Variants in FAM135B observed in about 807,000 individuals in gnomAD.
FAM135B encodes the protein protein FAM135B.
In FAM135B, 43 loss-of-function variants were observed where a neutral mutation model predicts 127.7. The observed-to-expected ratio is 0.34, with a 90% CI of 0.26 to 0.43. The LOEUF is 0.43. Among genes scored for constraint, FAM135B ranks in the 20% least tolerant of loss-of-function variants. FAM135B has a pLI of 1.00. For missense variants in FAM135B, 1,558 were observed against 1,725.6 expected (o/e 0.90, Z 1.72); for synonymous variants, 670 against 665.1 (o/e 1.01, Z -0.11).
intron 7 of FAM135B, among the ~76,000 whole-genome samples, chr8:138,213,322 A>G (rs1818283185): frequency 1.4e-5 from 2 of 141,818 alleles, no homozygotes; most frequent in South Asian, 4.6e-4. Context: ...CGGTGAATTA[A>G]GTAATAAGTA....
chr8:138,307,527 C>G (rs370142383), intron 3 of FAM135B, among the ~76,000 whole-genome samples: 17 of 152,284 alleles, frequency 1.1e-4, no homozygotes, highest in South Asian at 6.2e-4. Flanking sequence ...CTTAGGAACA[C>G]TTCTGTTGGT....
At chr8:138,413,464 T>C (rs1444229084) in intron 1 of FAM135B, among the ~76,000 whole-genome samples, 1 of 152,218 alleles carries the variant, frequency 6.6e-6, no homozygotes, top group Non-Finnish European at 1.5e-5. Flanking sequence ...GGACGAAGTG[T>C]TCCTTCTCTG....
chr8:138,476,229 C>T (rs1375593117), intron 1 of FAM135B, among the ~76,000 whole-genome samples: 1 of 152,070 alleles, frequency 6.6e-6, no homozygotes, highest in Non-Finnish European at 1.5e-5. Flanking sequence ...AATGAAAAGG[C>T]AGAGGACAAG....
intron 1 of FAM135B, among the ~76,000 whole-genome samples, chr8:138,391,432 G>C (rs1302549328): frequency 6.6e-6 from 1 of 152,036 alleles, no homozygotes; most frequent in Admixed American, 6.5e-5. Context: ...CCATCCACCA[G>C]CCTCACATAG....
chr8:138,419,575 G>A (rs998030143), intron 1 of FAM135B, among the ~76,000 whole-genome samples: 3 of 151,958 alleles, frequency 2.0e-5, no homozygotes, highest in Non-Finnish European at 4.4e-5. Context: ...TCAGCACATG[G>A]CAACTACTCT....
At chr8:138,452,430 T>C (rs1056228433) in intron 1 of FAM135B, among the ~76,000 whole-genome samples, 1 of 152,076 alleles carries the variant, frequency 6.6e-6, no homozygotes, top group Non-Finnish European at 1.5e-5. Context: ...CCCAATCTGC[T>C]TTTCAAAGTG....
intron 1 of FAM135B, among the ~76,000 whole-genome samples, chr8:138,475,792 G>T (rs531559280): frequency 7.9e-5 from 12 of 152,252 alleles, no homozygotes; most frequent in Admixed American, 2.6e-4. Flanking sequence ...ATGCAAAGTG[G>T]TACATAATTG....
At chr8:138,310,971 G>A (rs774483735) in intron 2 of FAM135B, 51 bp from the exon 3 acceptor site, 2 of 1,459,528 alleles carry the variant, frequency 1.4e-6, no homozygotes, top group Admixed American at 3.7e-5. Context: ...TCTTAACGTT[G>A]ACTTCTAAAA....
intron 1 of FAM135B, among the ~76,000 whole-genome samples, chr8:138,447,705 G>A (rs1041538036): frequency 6.6e-6 from 1 of 151,728 alleles, no homozygotes; most frequent in Non-Finnish European, 1.5e-5. Context: ...TATACCTAAT[G>A]TAAATGACAA....
At chr8:138,394,452 A>G (rs1832753819) in intron 1 of FAM135B, among the ~76,000 whole-genome samples, 1 of 152,192 alleles carries the variant, frequency 6.6e-6, no homozygotes, top group Admixed American at 6.5e-5. Flanking sequence ...TTAGCCAGTA[A>G]TAGAGAACAG....
At chr8:138,310,794 A>C in intron 3 of FAM135B, 47 bp downstream of exon 3, 2 of 1,544,904 alleles carry the variant, frequency 1.3e-6, no homozygotes, top group Non-Finnish European at 1.8e-6. Context: ...TGACAAAGGG[A>C]GGTTCGCCAT....
At chr8:138,177,205 T>A (rs1247769673) in intron 11 of FAM135B, 142 bp downstream of exon 11, 1 of 767,112 alleles carries the variant, frequency 1.3e-6, no homozygotes, top group Non-Finnish European at 2.1e-6. Context: ...CTCTTTTGCC[T>A]GCAGAGGAAA....
At chr8:138,267,611 C>G (rs958209465) in intron 3 of FAM135B, among the ~76,000 whole-genome samples, 1 of 151,428 alleles carries the variant, frequency 6.6e-6, no homozygotes, top group African/African-American at 2.4e-5. Flanking sequence ...AAGAAAAATC[C>G]TAAGTACCTT....
At chr8:138,240,916 C>A (rs923929335) in intron 7 of FAM135B, among the ~76,000 whole-genome samples, 1 of 152,090 alleles carries the variant, frequency 6.6e-6, no homozygotes, top group African/African-American at 2.4e-5. Context: ...TCCCTAACGC[C>A]CCAGGCCACA....
At chr8:138,494,850 A>C (rs1815332052) in intron 1 of FAM135B, among the ~76,000 whole-genome samples, 1 of 85,002 alleles carries the variant, frequency 1.2e-5, no homozygotes, top group Admixed American at 9.4e-5. Context: ...AAAAAAAAAA[A>C]AACTTAATCC....
At chr8:138,471,207 C>A (rs1192862577) in intron 1 of FAM135B, among the ~76,000 whole-genome samples, 1 of 150,184 alleles carries the variant, frequency 6.7e-6, no homozygotes, top group East Asian at 2.0e-4. Context: ...ATCATGCACA[C>A]AGACAATGCT....
intron 2 of FAM135B, among the ~76,000 whole-genome samples, chr8:138,316,719 G>A (rs925663585): frequency 2.0e-5 from 3 of 152,070 alleles, no homozygotes; most frequent in Admixed American, 6.6e-5. Context: ...GGTGGCTCAC[G>A]CCTGTAATCC....
intron 12 of FAM135B, among the ~76,000 whole-genome samples, chr8:138,164,037 T>C (rs1819666701): frequency 6.6e-6 from 1 of 152,148 alleles, no homozygotes; most frequent in Non-Finnish European, 1.5e-5. Context: ...TTTATTTCCC[T>C]TTTTTCCTTA....
In FAM135B at chr8:138,151,178, C is replaced by A. The variant is rs1180382766; in HGVS notation, c.3281+16G>T. 1 of 1,491,548 alleles carries A rather than the reference C, an allele frequency of 6.7e-7. No homozygotes were observed. Among genetic ancestry groups the A allele is most frequent in the Non-Finnish European group, 8.9e-7 (1 of 1,117,890 alleles). 92.4% of individuals were successfully genotyped at this position (1,491,548 alleles called of 1,614,324 possible). On this transcript the variant is annotated intron_variant, in intron 13 of 19. Coordinates refer to ENST00000395297, the MANE Select transcript of FAM135B (RefSeq NM_015912.4). Reference sequence around the variant, plus strand: ...AAAGACTGTTGTGGGAAAGGTAAGCCCGTCAGCCAGCTTACCTAAACATCC... The same window carrying A: ...AAAGACTGTTGTGGGAAAGGTAAGCACGTCAGCCAGCTTACCTAAACATCC...
Sources: allele counts gnomAD v4.1 joint callset (sites outside exome capture counted in the v4.1 genomes callset), GRCh38; gene constraint gnomAD v4.1.1; transcripts MANE v1.5; gene names NCBI Gene and HGNC (gene_info 2026-07-23, HGNC 2026-07-21).